The following PTPRD variants were observed in gnomAD, a reference collection of about 807,000 sequenced individuals.
PTPRD encodes the protein receptor-type tyrosine-protein phosphatase delta.
Under a neutral mutation model 214.5 loss-of-function variants are expected in PTPRD, and 34 were observed. That is an observed-to-expected ratio of 0.16 (90% CI 0.12 to 0.21). The LOEUF is 0.21. Ranked by LOEUF, PTPRD falls within the 10% of genes least tolerant of loss-of-function variation. The pLI is 1.00. For synonymous variants in PTPRD, 1,128 were observed against 845.7 expected, an observed-to-expected ratio of 1.33 and a Z score of -5.79; for missense variants, 2,545 against 2,398.7, an observed-to-expected ratio of 1.06 and a Z score of -1.27.
At chr9:8,855,426 A>T (rs1040142931) in intron 11 of PTPRD, among the ~76,000 whole-genome samples, 2 of 152,210 alleles carry the variant, frequency 1.3e-5, no homozygotes, top group Non-Finnish European at 2.9e-5. Flanking sequence ...GAGTAACTGC[A>T]CAACTGCTCT....
At chr9:9,457,363 C>T (rs1033095987) in intron 8 of PTPRD, among the ~76,000 whole-genome samples, 4 of 151,974 alleles carry the variant, frequency 2.6e-5, no homozygotes, top group Non-Finnish European at 4.4e-5. Context: ...AAAGTCCTCT[C>T]TTGGGCACTG....
At chr9:10,065,019 C>T (rs981705514) in intron 3 of PTPRD, among the ~76,000 whole-genome samples, 3 of 151,744 alleles carry the variant, frequency 2.0e-5, no homozygotes, top group Non-Finnish European at 2.9e-5. Flanking sequence ...CCAGGGAAAT[C>T]GAACTAGGTA....
chr9:10,495,012 C>T (rs777027711), intron 2 of PTPRD, among the ~76,000 whole-genome samples: 74 of 151,752 alleles, frequency 4.9e-4, no homozygotes, highest in Non-Finnish European at 7.5e-4. Context: ...ATGTCGTGCT[C>T]AAGGTAAATA....
chr9:10,425,341 T>C lies in PTPRD; in HGVS notation c.-599-84324A>G, dbSNP rs536710645. Among the ~76,000 whole-genome samples, 66 of 152,122 alleles carry C rather than the reference T, an allele frequency of 4.3e-4. No individual in the cohort carries two copies. The South Asian group carries it at 9.7e-3, about 22-fold the overall frequency. ...ACTTTACAACACATTAAACCAATATTTCCCTCTTCTATTACCTATCATAGT... is the reference window on the plus strand; with the variant it reads ...ACTTTACAACACATTAAACCAATATCTCCCTCTTCTATTACCTATCATAGT... On this transcript the variant is annotated intron_variant, in intron 2 of 45. Coordinates refer to ENST00000381196, the MANE Select transcript of PTPRD (RefSeq NM_002839.4).
At chr9:10,177,013 A>T (rs2099252597) in intron 3 of PTPRD, among the ~76,000 whole-genome samples, 1 of 151,974 alleles carries the variant, frequency 6.6e-6, no homozygotes. Context: ...CATGTAACCT[A>T]CACATGTTAC....
intron 9 of PTPRD, among the ~76,000 whole-genome samples, chr9:9,356,053 A>G (rs991194281): frequency 2.0e-5 from 3 of 151,360 alleles, no homozygotes; most frequent in Non-Finnish European, 3.0e-5. Context: ...TAGTGGAATG[A>G]TGGAGTAAAA....
chr9:8,548,834 A>G lies in PTPRD; in HGVS notation c.353-20055T>C, dbSNP rs1218515400. Reference sequence around the variant, plus strand: ...CTCAGCCTCCCGAGTAGCTGGGATTACAGGCATGCACCACCATGCCCAGCT... The same window carrying G: ...CTCAGCCTCCCGAGTAGCTGGGATTGCAGGCATGCACCACCATGCCCAGCT... On this transcript the variant is annotated intron_variant, in intron 14 of 45. Coordinates refer to ENST00000381196, the MANE Select transcript of PTPRD (RefSeq NM_002839.4). Among the ~76,000 whole-genome samples, 3 of 151,562 alleles carry G rather than the reference A, an allele frequency of 2.0e-5. No individual in the cohort carries two copies. The East Asian group carries it at 5.9e-4, about 30-fold the overall frequency.
At chr9:8,906,943 G>C (rs1045281100) in intron 11 of PTPRD, among the ~76,000 whole-genome samples, 2 of 152,054 alleles carry the variant, frequency 1.3e-5, no homozygotes, top group Non-Finnish European at 2.9e-5. Flanking sequence ...CTGATTGCCT[G>C]GAAAGCTGTG....
intron 3 of PTPRD, among the ~76,000 whole-genome samples, chr9:10,222,441 C>T (rs2099574439): frequency 6.6e-6 from 1 of 152,078 alleles, no homozygotes; most frequent in South Asian, 2.1e-4. Context: ...CCCTTAATAG[C>T]ATCCTATGTC....
At chr9:8,350,154 G>A (rs1017953614) in intron 39 of PTPRD, among the ~76,000 whole-genome samples, 1 of 152,068 alleles carries the variant, frequency 6.6e-6, no homozygotes, top group African/African-American at 2.4e-5. Context: ...TGATACAGTA[G>A]TAATGTGCAA....
At chr9:9,977,334 G>A (rs184829718) in intron 4 of PTPRD, among the ~76,000 whole-genome samples, 9 of 152,158 alleles carry the variant, frequency 5.9e-5, no homozygotes, top group East Asian at 1.9e-4. Context: ...TTAACCTCAA[G>A]GCCCTATTGG....
chr9:9,619,389 A>G (rs187986408), intron 7 of PTPRD, among the ~76,000 whole-genome samples: 5 of 151,842 alleles, frequency 3.3e-5, no homozygotes, highest in African/African-American at 7.2e-5. Flanking sequence ...GAAGGTGGCT[A>G]AACTTTGACA....
intron 23 of PTPRD, among the ~76,000 whole-genome samples, chr9:8,502,190 A>C (rs2097425060): frequency 6.6e-6 from 1 of 152,204 alleles, no homozygotes; most frequent in Non-Finnish European, 1.5e-5. Context: ...AAAAGACAGC[A>C]CAATTACTAT....
chr9:8,752,603 G>C (rs1200797960), intron 11 of PTPRD, among the ~76,000 whole-genome samples: 1 of 152,086 alleles, frequency 6.6e-6, no homozygotes, highest in East Asian at 1.9e-4. Flanking sequence ...CCCTCTCTTG[G>C]GGTCTGGATC....
At chr9:8,945,594 C>T (rs2099059245) in intron 11 of PTPRD, among the ~76,000 whole-genome samples, 1 of 151,950 alleles carries the variant, frequency 6.6e-6, no homozygotes, top group Non-Finnish European at 1.5e-5. Context: ...ATAAACCCTT[C>T]ACTGGCAATT....
intron 7 of PTPRD, among the ~76,000 whole-genome samples, chr9:9,723,627 C>A (rs1171984731): frequency 6.6e-6 from 1 of 152,052 alleles, no homozygotes; most frequent in South Asian, 2.1e-4. Flanking sequence ...ATACTGCCAT[C>A]TTAACAATGT....
chr9:10,370,090 G>A (rs1354420296), intron 2 of PTPRD, among the ~76,000 whole-genome samples: 1 of 152,036 alleles, frequency 6.6e-6, no homozygotes, highest in Non-Finnish European at 1.5e-5. Context: ...AGGTCTTACA[G>A]CTCACAATGG....
chr9:9,631,840 C>T (rs1371001975), intron 7 of PTPRD, among the ~76,000 whole-genome samples: 2 of 151,898 alleles, frequency 1.3e-5, no homozygotes, highest in African/African-American at 4.8e-5. Flanking sequence ...AGCCACTTGC[C>T]GGGCAGTTAT....
intron 7 of PTPRD, among the ~76,000 whole-genome samples, chr9:9,651,190 A>G (rs1040377329): frequency 6.6e-6 from 1 of 152,194 alleles, no homozygotes; most frequent in African/African-American, 2.4e-5. Context: ...ATAAACCTAG[A>G]AAATTATTTT....
Sources: gnomAD v4.1 joint callset for allele counts (sites outside exome capture counted in the v4.1 genomes callset) on GRCh38, gnomAD v4.1.1 for gene constraint, MANE v1.5 for transcripts, NCBI Gene and HGNC (gene_info 2026-07-23, HGNC 2026-07-21) for gene names.